Variants in GPM6B observed in about 807,000 individuals in gnomAD.
GPM6B encodes the protein glycoprotein M6B, also known as neuronal membrane glycoprotein M6-b.
A neutral mutation model predicts 27.2 loss-of-function variants in GPM6B; 4 were observed. The ratio of observed to expected loss-of-function variants is 0.15; its 90% CI spans 0.07 to 0.34. The LOEUF (loss-of-function observed/expected upper bound fraction) is 0.34. Ranked by LOEUF, GPM6B falls within the 10% of genes least tolerant of loss-of-function variation. The pLI is 1.00. For missense variants in GPM6B, 183 were observed against 261.9 expected (o/e 0.70, Z 2.08); for synonymous variants, 124 against 103.1 (o/e 1.20, Z -1.23).
At chrX:13,938,529 G>A, upstream of GPM6B, 1 of 905,523 alleles carries the variant, frequency 1.1e-6, no homozygotes, top group Non-Finnish European at 1.4e-6. Context: ...ACTGGCGGGA[G>A]GGGTGAGGGC....
chrX:13,787,448 T>C (rs929527368), intron 2 of GPM6B, among the ~76,000 whole-genome samples: 3 of 111,335 alleles, frequency 2.7e-5, no homozygotes, highest in Non-Finnish European at 3.8e-5. Flanking sequence ...CCCAGCTACT[T>C]GGGAGGCTGA....
At chrX:13,835,155 T>A (rs753378526) in intron 1 of GPM6B, among the ~76,000 whole-genome samples, 1 of 111,889 alleles carries the variant, frequency 8.9e-6, no homozygotes, top group African/African-American at 3.2e-5. Flanking sequence ...TGGGTCCATG[T>A]CTCATTCATT....
At chrX:13,833,364 C>T (rs2049459471) in intron 1 of GPM6B, among the ~76,000 whole-genome samples, 1 of 110,268 alleles carries the variant, frequency 9.1e-6, no homozygotes, top group Non-Finnish European at 1.9e-5. Flanking sequence ...GATAAAACCT[C>T]TTTCCATATA....
intron 1 of GPM6B, among the ~76,000 whole-genome samples, chrX:13,906,957 G>A (rs972476650): frequency 8.9e-6 from 1 of 112,175 alleles, no homozygotes; most frequent in Non-Finnish European, 1.9e-5. Context: ...GGTCATAAAA[G>A]CAAGACCACT....
At chrX:13,863,872 T>C (rs190553295) in intron 1 of GPM6B, among the ~76,000 whole-genome samples, 2 of 112,722 alleles carry the variant, frequency 1.8e-5, no homozygotes, top group East Asian at 5.5e-4. Context: ...TGCAGTGAAA[T>C]GGTGAAAGGA....
chrX:13,843,072 T>C (rs2049599817), intron 1 of GPM6B, among the ~76,000 whole-genome samples: 1 of 111,315 alleles, frequency 9.0e-6, no homozygotes, highest in African/African-American at 3.3e-5. Flanking sequence ...AAGATCCCAT[T>C]AGCAGTCAAT....
intron 1 of GPM6B, among the ~76,000 whole-genome samples, chrX:13,897,719 A>C (rs1223824624): frequency 8.9e-6 from 1 of 111,744 alleles, no homozygotes; most frequent in East Asian, 2.8e-4. Flanking sequence ...CAGAAGGCCA[A>C]AGGAATGTCC....
intron 1 of GPM6B, among the ~76,000 whole-genome samples, chrX:13,933,119 T>G (rs1413687623): frequency 8.9e-6 from 1 of 112,231 alleles, no homozygotes; most frequent in African/African-American, 3.2e-5. Flanking sequence ...ATTTTAATGT[T>G]GACAGACCTT....
At chrX:13,878,904 A>G (rs747847049) in intron 1 of GPM6B, among the ~76,000 whole-genome samples, 287 of 111,967 alleles carry the variant, frequency 2.6e-3, no homozygotes, top group Middle Eastern at 4.6e-3. Context: ...CAAAAAATGC[A>G]TGTAGCCTCT....
At position 13,771,227 on chromosome X, in the gene GPM6B, A is replaced by G. The variant is rs1327147493; in HGVS notation, c.*1654T>C. 1 of 111,871 alleles carries G rather than the reference A, an allele frequency of 8.9e-6. No homozygotes were observed. The highest frequency in any genetic ancestry group is 1.9e-5 in the Non-Finnish European group (1 of 53,065). The allele number at this position is 111,871 out of a possible 1,213,427, so 9.2% of individuals were successfully genotyped here. ...CTGGTAATAGCTACCAGAATTAGAA[A>G]AGTAAAATTAGGCTTTAGACACTGC... On this transcript the variant is annotated 3_prime_UTR_variant, in exon 8 of 8. Coordinates refer to ENST00000316715, the MANE Select transcript of GPM6B (RefSeq NM_001001995.3).
intron 2 of GPM6B, among the ~76,000 whole-genome samples, chrX:13,795,748 T>C (rs1204990003): frequency 5.9e-5 from 6 of 102,459 alleles, no homozygotes; most frequent in East Asian, 3.0e-4. Flanking sequence ...TTTTCTTTTT[T>C]TTTTTTTTTT....
At chrX:13,809,350 T>G in intron 1 of GPM6B, among the ~76,000 whole-genome samples, 1 of 112,181 alleles carries the variant, frequency 8.9e-6, no homozygotes, top group South Asian at 3.7e-4. Flanking sequence ...GTTAACCCAA[T>G]GAGAGTTTTT....
At chrX:13,832,837 A>G (rs961809686) in intron 1 of GPM6B, among the ~76,000 whole-genome samples, 5 of 111,995 alleles carry the variant, frequency 4.5e-5, no homozygotes, top group African/African-American at 1.6e-4. Flanking sequence ...CCTATTGGGT[A>G]GAAAGGGCAA....
intron 1 of GPM6B, among the ~76,000 whole-genome samples, chrX:13,845,646 C>A (rs1427595197): frequency 1.8e-5 from 2 of 110,995 alleles, no homozygotes. Context: ...TAGCATTCTA[C>A]CACTTCTATG....
At chrX:13,936,891 TA>T (rs1389680519) in intron 1 of GPM6B, among the ~76,000 whole-genome samples, 2 of 112,573 alleles carry the variant, frequency 1.8e-5, no homozygotes, top group Non-Finnish European at 3.8e-5. Context: ...CCCCGTGTGA[TA>T]ATTCCACGTA....
chrX:13,887,774 G>A (rs1413008364), intron 1 of GPM6B, among the ~76,000 whole-genome samples: 1 of 111,729 alleles, frequency 9.0e-6, no homozygotes, highest in Non-Finnish European at 1.9e-5. Flanking sequence ...TCTCTCACTA[G>A]GCTGCACCCT....
intron 1 of GPM6B, among the ~76,000 whole-genome samples, chrX:13,922,909 C>T (rs754228064): frequency 1.8e-5 from 2 of 112,177 alleles, no homozygotes; most frequent in East Asian, 5.6e-4. Context: ...GGTGCGGTGG[C>T]TCACGCCTGT....
At chrX:13,831,442 G>A (rs1166859337) in intron 1 of GPM6B, among the ~76,000 whole-genome samples, 1 of 110,934 alleles carries the variant, frequency 9.0e-6, no homozygotes, top group Non-Finnish European at 1.9e-5. Flanking sequence ...TCTAAGATAC[G>A]CTAGGTCTTA....
intron 1 of GPM6B, among the ~76,000 whole-genome samples, chrX:13,866,135 T>G (rs762554853): frequency 1.8e-3 from 197 of 111,647 alleles, no homozygotes; most frequent in African/African-American, 6.0e-3. Context: ...AGGCTGAGGC[T>G]GGCGGATCAC....
Sources: allele counts gnomAD v4.1 joint callset (sites outside exome capture counted in the v4.1 genomes callset), GRCh38; gene constraint gnomAD v4.1.1; transcripts MANE v1.5; gene names NCBI Gene and HGNC (gene_info 2026-07-23, HGNC 2026-07-21).